AFP: variants seen among roughly 807,000 people sequenced by gnomAD.
AFP encodes the protein alpha fetoprotein.
Under a neutral mutation model 78.9 loss-of-function variants are expected in AFP, and 64 were observed. The observed-to-expected ratio is 0.81, with a 90% confidence interval of 0.66 to 1.00. The LOEUF (loss-of-function observed/expected upper bound fraction) is 1.00, where lower values mean the gene tolerates loss of function less well. AFP is among the 50% of genes least tolerant of loss of function. The pLI, the probability that AFP is intolerant of heterozygous loss-of-function variation, is 0.00. For synonymous variants in AFP, 254 were observed against 243.8 expected (o/e 1.04, Z -0.39); for missense variants, 689 against 703.8 (o/e 0.98, Z 0.24).
At chr4:73,442,239 A>C in intron 4 of AFP, 57 bp from the exon 5 acceptor site, 1 of 1,514,746 alleles carries the variant, frequency 6.6e-7, no homozygotes, top group East Asian at 2.3e-5. Flanking sequence ...AGTTCCAAGC[A>C]GTAGTAGTCC....
chr4:73,455,300 C>T lies in AFP; in HGVS notation c.*10+10C>T, dbSNP rs758285877. 6.2e-6 allele frequency: 10 copies of T among 1,604,376 alleles called. No homozygotes were observed. Among genetic ancestry groups the T allele is most frequent in the Middle Eastern group, 3.3e-4 (2 of 6,058 alleles). ...GTTTAAATTACTTCAGGTAACAAAA[C>T]ATTCAGACAAGCCTGAATACAATGT... On this transcript the variant is annotated intron_variant, in intron 14 of 14. Coordinates refer to ENST00000395792, the MANE Select transcript of AFP (RefSeq NM_001134.3).
chr4:73,438,413 G>A (rs550959050), intron 3 of AFP, 107 bp downstream of exon 3: 24 of 1,272,684 alleles, frequency 1.9e-5, no homozygotes, highest in Non-Finnish European at 2.6e-5. Context: ...TATTTGAAGA[G>A]CTATTGTATG....
At chr4:73,451,617 A>T (rs1458557173) in intron 11 of AFP, among the ~76,000 whole-genome samples, 1 of 152,224 alleles carries the variant, frequency 6.6e-6, no homozygotes, top group Admixed American at 6.5e-5. Context: ...GGAGGCCACC[A>T]GCCAACAACC....
In AFP at chr4:73,452,635, G is replaced by C; in HGVS notation, c.1652+11G>C. 1 of 1,587,054 alleles carries C rather than the reference G, an allele frequency of 6.3e-7. No individual in the cohort carries two copies. Among genetic ancestry groups the C allele is most frequent in the Non-Finnish European group, 8.6e-7 (1 of 1,156,418 alleles). On this transcript the variant is annotated intron_variant, in intron 12 of 14. Transcript: ENST00000395792. ...AACAATGAAGCAAGAGTAAGAAACT[G>C]TTACTTGCTAGCATGGAAAAGAATG...
chr4:73,450,769 G>T lies in AFP; in HGVS notation c.1428+16G>T, dbSNP rs1322253914. ...CGAGGGAGCGGTGAGTGTCTGCTTG[G>T]TTTGGTCCCATCTCATTTCTGCCCT... On this transcript the variant is annotated intron_variant, in intron 11 of 14. Transcript: ENST00000395792. 6.2e-7 allele frequency: 1 copy of T among 1,613,722 alleles called. No homozygotes were observed. Among genetic ancestry groups the T allele is most frequent in the Non-Finnish European group, 8.5e-7 (1 of 1,179,970 alleles).
intron 8 of AFP, 58 bp from the exon 9 acceptor site, chr4:73,449,277 T>C: frequency 1.3e-6 from 2 of 1,499,420 alleles, no homozygotes; most frequent in South Asian, 1.2e-5. Context: ...GGAGAAGTGA[T>C]GGCTCCTTTT....
intron 12 of AFP, chr4:73,453,427 G>A (rs1720065360): frequency 3.6e-6 from 1 of 280,048 alleles, no homozygotes; most frequent in South Asian, 4.1e-5. Flanking sequence ...TCGGAGATCT[G>A]GGTCTTTGAG....
chr4:73,454,167 A>G (rs1165606990), intron 13 of AFP, among the ~76,000 whole-genome samples: 2 of 151,928 alleles, frequency 1.3e-5, no homozygotes, highest in Non-Finnish European at 2.9e-5. Flanking sequence ...GTGAATGTGT[A>G]AATAATTGAC....
intron 13 of AFP, 132 bp downstream of exon 13, chr4:73,454,029 T>C (rs1720089658): frequency 2.8e-6 from 3 of 1,071,562 alleles, no homozygotes; most frequent in East Asian, 2.7e-5. Flanking sequence ...GAGAAGCAGA[T>C]TGAGGGATTC....
At chr4:73,444,931 A>C in intron 6 of AFP, 62 bp from the exon 7 acceptor site, 1 of 1,426,638 alleles carries the variant, frequency 7.0e-7, no homozygotes, top group Non-Finnish European at 9.7e-7. Flanking sequence ...ATACTCTATA[A>C]ATTCTATTTT....
At chr4:73,440,936 T>G in intron 4 of AFP, 123 bp downstream of exon 4, 1 of 990,960 alleles carries the variant, frequency 1.0e-6, no homozygotes, top group African/African-American at 1.6e-5. Flanking sequence ...TTTGGTGTTG[T>G]GTCTGCTGAG....
At chr4:73,437,005 C>T (rs1001714714) in intron 1 of AFP, among the ~76,000 whole-genome samples, 155 bp from the exon 2 acceptor site, 1 of 151,902 alleles carries the variant, frequency 6.6e-6, no homozygotes, top group Admixed American at 6.6e-5. Context: ...TTCTTTTCCT[C>T]AAGTATAAAA....
chr4:73,438,065 G>T, intron 2 of AFP, 109 bp from the exon 3 acceptor site: 2 of 1,474,158 alleles, frequency 1.4e-6, no homozygotes, highest in Admixed American at 3.9e-5. Flanking sequence ...TGTCTAAACA[G>T]ATTACAACAT....
chr4:73,439,696 G>A (rs2149333167), intron 3 of AFP, among the ~76,000 whole-genome samples: 1 of 152,258 alleles, frequency 6.6e-6, no homozygotes, highest in South Asian at 2.1e-4. Flanking sequence ...GTGGAATATT[G>A]ATGCTGTCAT....
At chr4:73,447,365 C>G in intron 7 of AFP, 97 bp from the exon 8 acceptor site, 37 of 779,398 alleles carry the variant, frequency 4.7e-5, no homozygotes, top group Non-Finnish European at 6.7e-5. Flanking sequence ...GTTCCCTTCT[C>G]CCTCCCTCCC....
rs372371321 is a variant in AFP at position 73,452,332 on chromosome 4, T to G, written c.1429-69T>G. The G allele has an allele frequency of 6.6e-4, 874 of 1,316,322 alleles. 12 individuals carry two copies. In the South Asian group the frequency reaches 9.5e-3, roughly 14 times the overall value. 81.5% of individuals were successfully genotyped at this position (1,316,322 alleles called of 1,614,324 possible). On this transcript the variant is annotated intron_variant, in intron 11 of 14. Coordinates refer to ENST00000395792, the MANE Select transcript of AFP (RefSeq NM_001134.3). ...ATTAGAAATTATTGCAGCAGTTTTC[T>G]GAAAAACTGAACCAACTTTGTGACT...
intron 10 of AFP, chr4:73,450,412 T>G: frequency 1.4e-6 from 1 of 712,612 alleles, no homozygotes; most frequent in Non-Finnish European, 2.3e-6. Context: ...TTTTTCATTG[T>G]GATATGCTTC....
chr4:73,453,630 G>T, intron 12 of AFP, 135 bp from the exon 13 acceptor site: 2 of 949,718 alleles, frequency 2.1e-6, no homozygotes, highest in Non-Finnish European at 3.3e-6. Context: ...TACTAGACAA[G>T]GTGTGTGTGG....
At position 73,442,372 on chromosome 4, in the gene AFP, A is replaced by C. The variant is rs35765619; in HGVS notation, c.559A>C (p.Lys187Gln). ...TILLWAARYD[K>Q]IIPSCCKAEN... Reference sequence around the variant, plus strand: ...TCTTCTTTGGGCTGCTCGCTATGACAAAATAATTCCATCTTGCTGCAAAGC... The same window carrying C: ...TCTTCTTTGGGCTGCTCGCTATGACCAAATAATTCCATCTTGCTGCAAAGC... Residue 187 changes from lysine to glutamine, a missense_variant, in exon 5 of 15, where the codon AAA becomes CAA. Physicochemically the swap from Lys to Gln is moderately conservative, Grantham distance 53. Coordinates refer to ENST00000395792, the MANE Select transcript of AFP (RefSeq NM_001134.3). The C allele has an allele frequency of 9.9e-3, 15,904 of 1,614,096 alleles. 154 individuals carry two copies. Among genetic ancestry groups the C allele is most frequent in the Middle Eastern group, 0.047 (283 of 6,060 alleles).
Sources: gnomAD v4.1 joint callset for allele counts (sites outside exome capture counted in the v4.1 genomes callset) on GRCh38, gnomAD v4.1.1 for gene constraint, MANE v1.5 for transcripts, NCBI Gene and HGNC (gene_info 2026-07-23, HGNC 2026-07-21) for gene names.